CSPP1: variants seen among roughly 807,000 people sequenced by gnomAD.
The protein encoded by CSPP1 is centrosome and spindle pole associated protein 1.
In CSPP1, 126 loss-of-function variants were observed where a neutral mutation model predicts 164.4. The ratio of observed to expected loss-of-function variants is 0.77; its 90% confidence interval spans 0.66 to 0.89. The LOEUF is 0.89. CSPP1 is among the 40% of genes least tolerant of loss of function. The pLI, the probability that CSPP1 is intolerant of heterozygous loss-of-function variation, is 0.00. For missense variants in CSPP1, 1,395 were observed against 1,449.8 expected, an observed-to-expected ratio of 0.96 and a Z score of 0.61; for synonymous variants, 472 against 476.7, an observed-to-expected ratio of 0.99 and a Z score of 0.13.
intron 21 of CSPP1, among the ~76,000 whole-genome samples, chr8:67,159,885 T>TTTCC (rs1827567876): frequency 1.5e-5 from 1 of 64,908 alleles, no homozygotes; most frequent in Non-Finnish European, 2.8e-5. Context: ...TCTTTCTTTC[T>TTTCC]TTCTTTCTTT....
In CSPP1 at chr8:67,095,540, T is replaced by G. The variant is rs2129545496; in HGVS notation, c.731T>G (p.Leu244Arg). The G allele has an allele frequency of 1.2e-6, 2 of 1,613,776 alleles. No individual in the cohort carries two copies. The highest frequency in any genetic ancestry group is 1.7e-6 in the Non-Finnish European group (2 of 1,179,952). Residue 244 changes from leucine to arginine, a missense_variant, in exon 7 of 31, where the codon CTA (leucine) becomes CGA (arginine). Transcript: ENST00000678616. ...AATGAAGAAGTGGGCATTTCCAACC[T>G]AAAACATCAAAGGTTTGCAAGCAAG... ...KANEEVGISN[L>R]KHQRFASKAG... is the part of the protein sequence containing the mutation.
In CSPP1 at chr8:67,074,337, T is replaced by C; in HGVS notation, c.85T>C (p.Tyr29His). 6.3e-7 allele frequency: 1 copy of C among 1,595,874 alleles called. No individual in the cohort carries two copies. The highest frequency in any genetic ancestry group is 8.6e-7 in the Non-Finnish European group (1 of 1,167,720). The change falls in exon 2 of 31, where the codon TAC becomes CAC. Residue 29 changes from tyrosine (Y) to histidine (H), a missense_variant. Transcript: ENST00000678616. ...AGCAGAGTTGGAAAGTGATCCACCT[T>C]ACATGGAAATGAAGGTAAATTTAAT... ...DKAELESDPP[Y>H]MEMKGKLSAK... is the part of the protein sequence containing the mutation.
chr8:67,192,066 GTTTT>G (rs34907123), intron 29 of CSPP1, among the ~76,000 whole-genome samples: 28 of 129,858 alleles, frequency 2.2e-4, no homozygotes, highest in African/African-American at 5.3e-4. Context: ...TTGCTGATTT[GTTTT>G]TTTTTTTGTT....
chr8:67,155,046 G>T, intron 19 of CSPP1, among the ~76,000 whole-genome samples: 1 of 152,106 alleles, frequency 6.6e-6, no homozygotes. Flanking sequence ...TAACATAGTA[G>T]AACTGCCCAG....
At position 67,190,778 on chromosome 8, in the gene CSPP1, T is replaced by A. The variant is rs536123064; in HGVS notation, c.3330+19T>A. The A allele has an allele frequency of 3.3e-6, 5 of 1,535,402 alleles. No homozygotes were observed. In the African/African-American group the frequency reaches 6.8e-5, roughly 21 times the overall value. ...AGACATTGTATGTATGAGACTTTTC[T>A]CCCCCTTTTCAACTTAGAAGAATGA... On this transcript the variant is annotated intron_variant, in intron 29 of 30. Coordinates refer to ENST00000678616, the MANE Select transcript of CSPP1 (RefSeq NM_001382391.1).
chr8:67,083,548 A>AAAAAAAAAAAAAAAAAT (rs1332248754), intron 3 of CSPP1: 12 of 91,472 alleles, frequency 1.3e-4, no homozygotes, highest in African/African-American at 1.8e-4. Context: ...AAAAAAAAAA[A>AAAAAAAAAAAAAAAAAT]ATATATATAT....
At chr8:67,076,688 T>C (rs1807990204) in intron 3 of CSPP1, 107 bp downstream of exon 3, 1 of 590,406 alleles carries the variant, frequency 1.7e-6, no homozygotes. Context: ...CCTAGTAGTT[T>C]TTCTTTCTGG....
intron 26 of CSPP1, among the ~76,000 whole-genome samples, chr8:67,175,866 C>T (rs1166922581): frequency 6.6e-6 from 1 of 152,222 alleles, no homozygotes; most frequent in Non-Finnish European, 1.5e-5. Flanking sequence ...ATCTGTAAAG[C>T]ATCAGACTGG....
intron 1 of CSPP1, among the ~76,000 whole-genome samples, chr8:67,067,710 G>A (rs985927036): frequency 2.0e-5 from 3 of 151,628 alleles, no homozygotes; most frequent in Admixed American, 6.6e-5. Flanking sequence ...TGATCCGCCC[G>A]CCTCGGCCTC....
intron 17 of CSPP1, among the ~76,000 whole-genome samples, chr8:67,139,005 A>G (rs1256538837): frequency 3.3e-5 from 5 of 152,228 alleles, no homozygotes; most frequent in African/African-American, 9.6e-5. Context: ...AGCTTTCTGC[A>G]TATGGCTAGC....
chr8:67,165,676 T>C (rs1267408177), intron 24 of CSPP1, among the ~76,000 whole-genome samples: 1 of 152,224 alleles, frequency 6.6e-6, no homozygotes, highest in African/African-American at 2.4e-5. Context: ...TAAGGGTTTC[T>C]GGAAAGAAGA....
At chr8:67,165,609 A>G (rs1829170707) in intron 24 of CSPP1, among the ~76,000 whole-genome samples, 1 of 152,146 alleles carries the variant, frequency 6.6e-6, no homozygotes, top group African/African-American at 2.4e-5. Context: ...TATCCTGTAG[A>G]ATGCCTCCTC....
intron 18 of CSPP1, among the ~76,000 whole-genome samples, chr8:67,150,842 A>T (rs990668062): frequency 1.3e-5 from 2 of 152,240 alleles, no homozygotes; most frequent in African/African-American, 4.8e-5. Context: ...TTTAAAAATA[A>T]AATTTAATAC....
At chr8:67,179,047 T>G (rs1408544920) in intron 27 of CSPP1, among the ~76,000 whole-genome samples, 1 of 152,202 alleles carries the variant, frequency 6.6e-6, no homozygotes, top group Non-Finnish European at 1.5e-5. Flanking sequence ...ATTCATTGCC[T>G]TAAAAATTAA....
chr8:67,167,290 A>G (rs576921595), intron 24 of CSPP1, among the ~76,000 whole-genome samples: 1 of 151,972 alleles, frequency 6.6e-6, no homozygotes, highest in South Asian at 2.1e-4. Context: ...CACTTCCCAG[A>G]AGGGGCGGCC....
intron 29 of CSPP1, among the ~76,000 whole-genome samples, chr8:67,193,043 T>C (rs544162518): frequency 1.3e-5 from 2 of 152,246 alleles, no homozygotes; most frequent in Non-Finnish European, 2.9e-5. Context: ...AGCCATAATA[T>C]ACGTGCTCTA....
chr8:67,193,343 C>T (rs1235800086), intron 29 of CSPP1, 121 bp from the exon 30 acceptor site: 2 of 728,344 alleles, frequency 2.7e-6, no homozygotes, highest in African/African-American at 1.8e-5. Flanking sequence ...GTGATCTGCC[C>T]ACCTCGGCTT....
At chr8:67,120,027 C>G (rs955107509) in intron 15 of CSPP1, among the ~76,000 whole-genome samples, 8 of 152,014 alleles carry the variant, frequency 5.3e-5, no homozygotes, top group African/African-American at 1.9e-4. Context: ...CTGTTTGAGT[C>G]ATTTTGAGTT....
chr8:67,167,579 A>T (rs1331152271), intron 24 of CSPP1, among the ~76,000 whole-genome samples: 1 of 149,228 alleles, frequency 6.7e-6, no homozygotes, highest in African/African-American at 2.5e-5. Flanking sequence ...CACTTCTCAG[A>T]CGGGGCAGCT....
Sources: gnomAD v4.1 joint callset for allele counts (sites outside exome capture counted in the v4.1 genomes callset) on GRCh38, gnomAD v4.1.1 for gene constraint, MANE v1.5 for transcripts, NCBI Gene and HGNC (gene_info 2026-07-23, HGNC 2026-07-21) for gene names.